FAM114A1: variants seen among roughly 807,000 people sequenced by gnomAD.
FAM114A1 encodes family with sequence similarity 114 member A1.
A neutral mutation model predicts 64.3 loss-of-function variants in FAM114A1; 62 were observed. The ratio of observed to expected loss-of-function variants is 0.96; its 90% CI spans 0.79 to 1.19. The LOEUF is 1.19. Among genes scored for constraint, FAM114A1 ranks in the 50% most tolerant of loss-of-function variants. FAM114A1 has a pLI of 0.00. For missense variants in FAM114A1, 645 were observed against 676.3 expected (o/e 0.95, Z 0.51); for synonymous variants, 254 against 251.1 (o/e 1.01, Z -0.11).
chr4:38,921,539 G>C (rs1488970703), intron 8 of FAM114A1, among the ~76,000 whole-genome samples: 1 of 152,202 alleles, frequency 6.6e-6, no homozygotes, highest in Non-Finnish European at 1.5e-5. Flanking sequence ...TGGGATTACA[G>C]GGGTGAACCA....
chr4:38,912,903 T>C (rs1718693141), intron 7 of FAM114A1, among the ~76,000 whole-genome samples: 1 of 152,248 alleles, frequency 6.6e-6, no homozygotes, highest in Admixed American at 6.5e-5. Flanking sequence ...GTTAAAATTT[T>C]CCAGTGATGG....
At chr4:38,930,402 TG>T (rs1309535113) in intron 10 of FAM114A1, among the ~76,000 whole-genome samples, 16 of 152,220 alleles carry the variant, frequency 1.1e-4, no homozygotes, top group African/African-American at 3.1e-4. Flanking sequence ...TTATCTCTGA[TG>T]GGGGTCACTG....
intron 9 of FAM114A1, among the ~76,000 whole-genome samples, chr4:38,926,511 G>A (rs1720105429): frequency 6.7e-6 from 1 of 150,336 alleles, no homozygotes; most frequent in Non-Finnish European, 1.5e-5. Flanking sequence ...CTGGAGTACA[G>A]TGGTGCAATC....
In FAM114A1 at chr4:38,891,291, A is replaced by C. The variant is rs1716354083; in HGVS notation, c.349-452A>C. ...TTTTTAGACACTTTGCCCATCATCC[A>C]TGCCAAAGCACCTGCCTACTGCCCC... On this transcript the variant is annotated intron_variant, in intron 3 of 14. Transcript: ENST00000358869. Among the ~76,000 whole-genome samples the C allele has an allele frequency of 2.0e-5, 3 of 152,258 alleles. No homozygotes were observed. The South Asian group carries it at 6.2e-4, about 32-fold the overall frequency.
At chr4:38,941,652 T>C (rs949521545) in intron 14 of FAM114A1, among the ~76,000 whole-genome samples, 3 of 152,214 alleles carry the variant, frequency 2.0e-5, no homozygotes, top group Admixed American at 6.5e-5. Flanking sequence ...TCTTGAATCA[T>C]AGGCACTGTG....
At chr4:38,869,355 T>C (rs1241604580) in intron 2 of FAM114A1, among the ~76,000 whole-genome samples, 1 of 152,114 alleles carries the variant, frequency 6.6e-6, no homozygotes, top group African/African-American at 2.4e-5. Flanking sequence ...GCCAGGCAGC[T>C]GGAGGAAGGG....
intron 14 of FAM114A1, 89 bp downstream of exon 14, chr4:38,941,110 A>G: frequency 8.5e-7 from 1 of 1,182,982 alleles, no homozygotes; most frequent in Non-Finnish European, 1.2e-6. Flanking sequence ...CCCCCACAGC[A>G]AATGTTATTG....
intron 10 of FAM114A1, among the ~76,000 whole-genome samples, chr4:38,929,702 A>G (rs887932027): frequency 1.3e-5 from 2 of 152,210 alleles, no homozygotes; most frequent in Non-Finnish European, 2.9e-5. Flanking sequence ...GCTTGAACCC[A>G]GGAGGCCAAG....
intron 7 of FAM114A1, among the ~76,000 whole-genome samples, chr4:38,911,696 C>G (rs1430999237): frequency 2.0e-5 from 3 of 152,098 alleles, no homozygotes; most frequent in Admixed American, 1.3e-4. Context: ...GGATGAAGCT[C>G]ACATATTTTT....
intron 9 of FAM114A1, among the ~76,000 whole-genome samples, chr4:38,925,958 C>T (rs1720056481): frequency 6.6e-6 from 1 of 152,080 alleles, no homozygotes; most frequent in East Asian, 1.9e-4. Flanking sequence ...CTACAAAGTG[C>T]TTGTATCTTA....
At chr4:38,929,515 C>T (rs1303960042) in intron 10 of FAM114A1, among the ~76,000 whole-genome samples, 182 bp downstream of exon 10, 5 of 152,228 alleles carry the variant, frequency 3.3e-5, no homozygotes, top group East Asian at 1.9e-4. Flanking sequence ...ACGTGGCTCA[C>T]GCCTATAATC....
At chr4:38,888,338 T>C (rs1026598482) in intron 3 of FAM114A1, among the ~76,000 whole-genome samples, 13 of 152,026 alleles carry the variant, frequency 8.6e-5, no homozygotes, top group Non-Finnish European at 1.8e-4. Flanking sequence ...GGCAACATAG[T>C]GAGATCCTGT....
chr4:38,877,515 G>A (rs1714758377), intron 2 of FAM114A1, among the ~76,000 whole-genome samples: 1 of 152,160 alleles, frequency 6.6e-6, no homozygotes, highest in South Asian at 2.1e-4. Context: ...GGTAATGCGA[G>A]CGATGGGGAG....
Position 38,900,972 on chromosome 4 carries a change from A to C in FAM114A1, c.437-4550A>C, listed in dbSNP as rs1033133577. On this transcript the variant is annotated intron_variant, in intron 4 of 14. Transcript: ENST00000358869. Reference sequence around the variant, plus strand: ...CAAAAAAAAAATGGAGTAAAAATTCAACCAGATATATCAGAGATATGATAT... The same window carrying C: ...CAAAAAAAAAATGGAGTAAAAATTCCACCAGATATATCAGAGATATGATAT... Among the ~76,000 whole-genome samples the C allele has an allele frequency of 5.9e-5, 9 of 152,322 alleles. No homozygotes were observed. The East Asian group carries it at 9.6e-4, about 16-fold the overall frequency.
intron 2 of FAM114A1, among the ~76,000 whole-genome samples, chr4:38,874,750 T>C (rs1297831022): frequency 6.6e-6 from 1 of 152,188 alleles, no homozygotes; most frequent in Non-Finnish European, 1.5e-5. Flanking sequence ...AGGGCCGATA[T>C]CCAGGATAGT....
chr4:38,894,258 G>A (rs1454489117), intron 4 of FAM114A1, among the ~76,000 whole-genome samples: 2 of 151,242 alleles, frequency 1.3e-5, no homozygotes, highest in African/African-American at 2.4e-5. Context: ...TCTGCGGCCT[G>A]TGCTTGTGTT....
intron 8 of FAM114A1, among the ~76,000 whole-genome samples, chr4:38,917,644 A>G (rs1289945247): frequency 1.4e-5 from 2 of 147,474 alleles, no homozygotes; most frequent in East Asian, 1.9e-4. Context: ...GCCCTGCTGT[A>G]AAAAAAACAT....
At chr4:38,894,161 T>TA (rs1716679631) in intron 4 of FAM114A1, among the ~76,000 whole-genome samples, 1 of 49,442 alleles carries the variant, frequency 2.0e-5, no homozygotes, top group Admixed American at 3.1e-4. Flanking sequence ...AGAGTATGTC[T>TA]CAAAAAAAAA....
At chr4:38,884,851 G>A (rs934555492) in intron 3 of FAM114A1, among the ~76,000 whole-genome samples, 1 of 152,196 alleles carries the variant, frequency 6.6e-6, no homozygotes, top group African/African-American at 2.4e-5. Flanking sequence ...AGAGTTGAAA[G>A]ATGGATGGAA....
Sources: allele counts gnomAD v4.1 joint callset (sites outside exome capture counted in the v4.1 genomes callset), GRCh38; gene constraint gnomAD v4.1.1; transcripts MANE v1.5; gene names NCBI Gene and HGNC (gene_info 2026-07-23, HGNC 2026-07-21).